PDE4D: variants seen among roughly 807,000 people sequenced by gnomAD.
PDE4D encodes the protein phosphodiesterase 4D.
A neutral mutation model predicts 87.4 loss-of-function variants in PDE4D; 24 were observed. The observed-to-expected ratio is 0.27, with a 90% CI of 0.20 to 0.39. The LOEUF is 0.39. Among genes scored for constraint, PDE4D ranks in the 10% least tolerant of loss-of-function variants. The pLI, the probability that PDE4D is intolerant of heterozygous loss-of-function variation, is 1.00. For synonymous variants in PDE4D, 384 were observed against 383.2 expected (o/e 1.00, Z -0.02); for missense variants, 714 against 1,041.0 (o/e 0.69, Z 4.32).
intron 1 of PDE4D, among the ~76,000 whole-genome samples, chr5:59,765,851 T>C (rs1192924282): frequency 6.6e-6 from 1 of 152,236 alleles, no homozygotes; most frequent in Non-Finnish European, 1.5e-5. Flanking sequence ...CTAAAACAGA[T>C]GTCTTCCAAT....
intron 1 of PDE4D, among the ~76,000 whole-genome samples, chr5:59,727,146 C>T (rs1756718253): frequency 6.6e-6 from 1 of 152,076 alleles, no homozygotes. Flanking sequence ...TCAACTCCAC[C>T]TAAATTAATC....
At chr5:59,560,211 G>A (rs1054803814) in intron 1 of PDE4D, among the ~76,000 whole-genome samples, 6 of 152,142 alleles carry the variant, frequency 3.9e-5, no homozygotes, top group African/African-American at 7.2e-5. Flanking sequence ...GGCATAAAAA[G>A]TTCAAAGGTA....
At chr5:60,124,399 C>T (rs1479014866) in intron 2 of PDE4D, among the ~76,000 whole-genome samples, 1 of 152,138 alleles carries the variant, frequency 6.6e-6, no homozygotes, top group Non-Finnish European at 1.5e-5. Flanking sequence ...TTTCACAACT[C>T]TCCTTAAATT....
At chr5:59,425,307 C>T (rs1182353830) in intron 1 of PDE4D, among the ~76,000 whole-genome samples, 6 of 152,060 alleles carry the variant, frequency 3.9e-5, no homozygotes, top group Non-Finnish European at 7.4e-5. Context: ...TGAAGTTCTC[C>T]CTGATTTAAT....
At chr5:60,441,341 G>GCCCTTTTTTT (rs1745194724) in intron 1 of PDE4D, among the ~76,000 whole-genome samples, 1 of 152,108 alleles carries the variant, frequency 6.6e-6, no homozygotes, top group South Asian at 2.1e-4. Context: ...ATGGGGAAAG[G>GCCCTTTTTTT]ATTCCCTATT....
chr5:60,008,224 C>A (rs1764669910), intron 2 of PDE4D, among the ~76,000 whole-genome samples: 1 of 151,912 alleles, frequency 6.6e-6, no homozygotes. Context: ...ATGAATTCCC[C>A]AGTCCTTTTT....
At chr5:59,783,835 G>A (rs1194342592) in intron 1 of PDE4D, among the ~76,000 whole-genome samples, 1 of 152,212 alleles carries the variant, frequency 6.6e-6, no homozygotes, top group African/African-American at 2.4e-5. Flanking sequence ...GGGAGGCCAA[G>A]GCAGGTGAAT....
chr5:59,496,897 A>C (rs1414707544), intron 1 of PDE4D, among the ~76,000 whole-genome samples: 1 of 152,154 alleles, frequency 6.6e-6, no homozygotes, highest in Non-Finnish European at 1.5e-5. Context: ...AACGCGCTGA[A>C]GGAGGGCACT....
At position 59,272,558 on chromosome 5, in the gene PDE4D, A is replaced by T. The variant is rs978779743; in HGVS notation, c.456-56590T>A. 1.4e-4 allele frequency among the ~76,000 whole-genome samples: 22 copies of T among 152,224 alleles called. 1 individual carries two copies. Among genetic ancestry groups the T allele is most frequent in the South Asian group, 1.0e-3 (5 of 4,828 alleles). Reference sequence around the variant, plus strand: ...TTTTTTAAAATAATGCTTAAGAATAAATACTATAATCACTTTCTGCTAGAA... The same window carrying T: ...TTTTTTAAAATAATGCTTAAGAATATATACTATAATCACTTTCTGCTAGAA... On this transcript the variant is annotated intron_variant, in intron 1 of 14. Transcript: ENST00000340635.
At chr5:59,072,327 C>T (rs1292163913) in intron 5 of PDE4D, among the ~76,000 whole-genome samples, 1 of 152,158 alleles carries the variant, frequency 6.6e-6, no homozygotes, top group Admixed American at 6.5e-5. Context: ...TTTCAACCTT[C>T]GGAATTCATT....
intron 1 of PDE4D, among the ~76,000 whole-genome samples, chr5:60,209,021 C>T (rs1203649745): frequency 6.6e-6 from 1 of 151,996 alleles, no homozygotes; most frequent in Admixed American, 6.6e-5. Flanking sequence ...TTTCTGAGAT[C>T]TTTGCCTTTC....
chr5:60,360,992 C>T (rs1337537750), intron 1 of PDE4D, among the ~76,000 whole-genome samples: 5 of 152,198 alleles, frequency 3.3e-5, no homozygotes, highest in African/African-American at 9.7e-5. Flanking sequence ...ACATCACTAT[C>T]GCCAGTGCTA....
At chr5:59,314,311 G>A (rs1773259171) in intron 1 of PDE4D, 1 of 152,082 alleles carries the variant, frequency 6.6e-6, no homozygotes, top group Non-Finnish European at 1.5e-5. Context: ...GGGCCACAAG[G>A]AACAGGTGTA....
intron 5 of PDE4D, among the ~76,000 whole-genome samples, chr5:59,075,867 T>C (rs1019914284): frequency 2.6e-5 from 4 of 152,164 alleles, no homozygotes; most frequent in African/African-American, 9.6e-5. Flanking sequence ...AGACCCATAC[T>C]ATCTTTTCCT....
chr5:60,459,851 A>G, intron 1 of PDE4D: 1 of 601,590 alleles, frequency 1.7e-6, no homozygotes, highest in East Asian at 2.9e-5. Context: ...GTGTTCTAGT[A>G]ATCTTTTCCT....
At chr5:59,245,956 A>AGTGT (rs746176014) in intron 1 of PDE4D, among the ~76,000 whole-genome samples, 1 of 151,126 alleles carries the variant, frequency 6.6e-6, no homozygotes, top group Non-Finnish European at 1.5e-5. Flanking sequence ...TAGTCAAACA[A>AGTGT]GTGTGTGTGT....
chr5:58,997,861 A>C (rs1749589229), intron 6 of PDE4D, among the ~76,000 whole-genome samples: 1 of 152,174 alleles, frequency 6.6e-6, no homozygotes, highest in Non-Finnish European at 1.5e-5. Context: ...TTCAGGAAGC[A>C]AACTAAAATA....
intron 2 of PDE4D, among the ~76,000 whole-genome samples, chr5:60,030,241 G>T (rs918337169): frequency 2.6e-5 from 4 of 152,118 alleles, no homozygotes; most frequent in African/African-American, 9.6e-5. Flanking sequence ...ATGAGGTCAG[G>T]AGATCGAGAC....
intron 1 of PDE4D, among the ~76,000 whole-genome samples, chr5:59,382,906 G>T (rs1786179486): frequency 6.6e-6 from 1 of 152,146 alleles, no homozygotes; most frequent in Non-Finnish European, 1.5e-5. Context: ...AAGTCATTTT[G>T]TGGCATGCTG....
Sources: allele counts gnomAD v4.1 joint callset (sites outside exome capture counted in the v4.1 genomes callset), GRCh38; gene constraint gnomAD v4.1.1; transcripts MANE v1.5; gene names NCBI Gene and HGNC (gene_info 2026-07-23, HGNC 2026-07-21).